Variants in ECE2 observed in about 807,000 individuals in gnomAD.
ECE2 encodes the protein endothelin converting enzyme 2.
A neutral mutation model predicts 100.6 loss-of-function variants in ECE2; 81 were observed. The ratio of observed to expected loss-of-function variants is 0.81; its 90% CI spans 0.67 to 0.97. The LOEUF is 0.97. Among genes scored for constraint, ECE2 ranks in the 50% least tolerant of loss-of-function variants. ECE2 has a pLI of 0.00. For missense variants in ECE2, 911 were observed against 988.1 expected (o/e 0.92, Z 1.05); for synonymous variants, 391 against 391.5 (o/e 1.00, Z 0.02).
rs1560184174 is a variant in ECE2, at chr3:184,283,589, AAAG to A, written c.817-183_817-181del. 1.5e-3 allele frequency among the ~76,000 whole-genome samples: 209 copies of A among 143,290 alleles called. 1 individual carries two copies. The highest frequency in any genetic ancestry group is 8.0e-3 in the South Asian group (35 of 4,388). 94.0% of individuals were successfully genotyped at this position (143,290 alleles called of 152,430 possible). ...AAAAAAAAAAAAAAAAAAAAAAAAAAAAGAAGAAGAAGAAGTAAGTAAACAATA... is the reference window on the plus strand; with the variant it reads ...AAAAAAAAAAAAAAAAAAAAAAAAAAAAGAAGAAGAAGTAAGTAAACAATA... On this transcript the variant is annotated intron_variant, in intron 7 of 18. Coordinates refer to ENST00000404464, the MANE Select transcript of ECE2 (RefSeq NM_001100121.2).
Position 184,285,074 on chromosome 3 carries a change from G to A in ECE2, c.1117G>A (p.Val373Met), listed in dbSNP as rs145212383. Residue 373 changes from valine (V) to methionine (M), a missense_variant, in exon 9 of 19, where the codon GTG becomes ATG. Coordinates refer to ENST00000404464, the MANE Select transcript of ECE2 (RefSeq NM_001100121.2). ...GTATGGGATGGATTATTTGCAGCAG[G>A]TGTCAGAGCTCATCAACCGCACGGA... Reference protein sequence around the residue: ...VVYGMDYLQQVSELINRTEPS... With the variant: ...VVYGMDYLQQMSELINRTEPS... 7 of 1,614,054 alleles carry A rather than the reference G, an allele frequency of 4.3e-6. No homozygotes were observed. The highest frequency in any genetic ancestry group is 2.2e-5 in the East Asian group (1 of 44,892).
rs750262897 is a variant in ECE2, at chr3:184,291,464, G to T, written c.2121+25G>T. 11 of 1,547,538 alleles carry T rather than the reference G, an allele frequency of 7.1e-6. No individual in the cohort carries two copies. The highest frequency in any genetic ancestry group is 1.4e-5 in the African/African-American group (1 of 72,938). On this transcript the variant is annotated intron_variant, in intron 18 of 18. Coordinates refer to ENST00000404464, the MANE Select transcript of ECE2 (RefSeq NM_001100121.2). This position sits in a 1 kb window ranked among gnomAD's most constrained non-coding sequence, Gnocchi z 4.1. ...GGTATCACCCTCTCGGAAGGCCTGG[G>T]GTCTGCCCCTTTGTCCTGCTCCCTC...
intron 10 of ECE2, among the ~76,000 whole-genome samples, chr3:184,286,476 G>A (rs990767157): frequency 2.0e-5 from 3 of 152,072 alleles, no homozygotes; most frequent in Non-Finnish European, 4.4e-5. Context: ...GCAGGGAAGC[G>A]GGGATGAGAA....
At chr3:184,284,870 A>G in intron 8 of ECE2, 93 bp from the exon 9 acceptor site, 1 of 1,502,366 alleles carries the variant, frequency 6.7e-7, no homozygotes. Context: ...TTGCTATGGC[A>G]ATGGGAAGGG....
At chr3:184,285,456 T>C in intron 9 of ECE2, 22 bp from the exon 10 acceptor site, 1 of 1,590,268 alleles carries the variant, frequency 6.3e-7, no homozygotes, top group East Asian at 2.2e-5. Flanking sequence ...GCCCTTTTCT[T>C]ATTTTCTGGT....
chr3:184,289,078 T>G lies in ECE2; in HGVS notation c.1375-359T>G, dbSNP rs917024960. On this transcript the variant is annotated intron_variant, in intron 11 of 18. Transcript: ENST00000404464. The surrounding 1 kb of genome is among the most constrained non-coding windows in gnomAD (Gnocchi z 4.1). ...GCTGAGGCAGGAGAATCGCTTGAAC[T>G]CGGGAGGCGGAGGTTGCAGTGAGCC... 6.6e-6 allele frequency among the ~76,000 whole-genome samples: 1 copy of G among 151,036 alleles called. No individual in the cohort carries two copies. Among genetic ancestry groups the G allele is most frequent in the African/African-American group, 2.4e-5 (1 of 40,992 alleles).
intron 13 of ECE2, 53 bp from the exon 14 acceptor site, chr3:184,290,202 A>C (rs1354268163): frequency 1.4e-6 from 2 of 1,465,868 alleles, no homozygotes; most frequent in East Asian, 4.7e-5. Context: ...TGGCGCTATT[A>C]TCTTCTCCAA....
At position 184,291,785 on chromosome 3, in the gene ECE2, G is replaced by A; in HGVS notation, c.2122-277G>A. On this transcript the variant is annotated intron_variant, in intron 18 of 18. Transcript: ENST00000404464. This position sits in a 1 kb window ranked among gnomAD's most constrained non-coding sequence, Gnocchi z 4.1. ...GCAGGAAACGAAAGCTCGGGACGCA[G>A]AGTGGCCTGTCCAGGGCTGCCCAGG... The A allele has an allele frequency of 1.9e-6, 1 of 525,946 alleles. No homozygotes were observed. Among genetic ancestry groups the A allele is most frequent in the Non-Finnish European group, 3.4e-6 (1 of 296,934 alleles). The allele number at this position is 525,946 out of a possible 1,614,324, so 32.6% of individuals were successfully genotyped here. A position where few individuals can be genotyped will look rare whatever the true frequency, so the allele number is the denominator to read the frequency against.
chr3:184,290,688 G>A (rs946114262), intron 15 of ECE2, 21 bp downstream of exon 15: 2 of 1,613,638 alleles, frequency 1.2e-6, no homozygotes, highest in African/African-American at 2.7e-5. Flanking sequence ...AGCAGGAGGG[G>A]CTGGGTGCTG....
intron 9 of ECE2, 133 bp downstream of exon 9, chr3:184,285,238 C>A (rs1630869): frequency 7.6e-7 from 1 of 1,308,646 alleles, no homozygotes; most frequent in Non-Finnish European, 1.1e-6. Flanking sequence ...ATCAGAATGT[C>A]TATGGGCTTT....
In ECE2 at chr3:184,291,141, CAAT is replaced by C; in HGVS notation, c.1938_1940del (p.Gln646_Tyr647delinsHis). On this transcript the variant is annotated inframe_deletion, in exon 17 of 19. Coordinates refer to ENST00000404464, the MANE Select transcript of ECE2 (RefSeq NM_001100121.2). The surrounding 1 kb of genome is among the most constrained non-coding windows in gnomAD (Gnocchi z 4.1). ...GGCCTGCATGGAGGAACAGTACAATCAATACCAGGTCAATGGGGAGAGGCTCAA... is the reference window on the plus strand; with the variant it reads ...GGCCTGCATGGAGGAACAGTACAATCACCAGGTCAATGGGGAGAGGCTCAA... 6.2e-7 allele frequency: 1 copy of C among 1,613,764 alleles called. No homozygotes were observed.
chr3:184,277,568 G>A lies in ECE2; in HGVS notation c.478+102G>A, dbSNP rs2108417341. On this transcript the variant is annotated intron_variant, in intron 4 of 18. Coordinates refer to ENST00000404464, the MANE Select transcript of ECE2 (RefSeq NM_001100121.2). ...AGGCAGTGTCCATGAATGAGGAAGT[G>A]GATGGTTCTGTGAACACTCCAGAGG... The A allele has an allele frequency of 4.6e-6, 6 of 1,296,592 alleles. No individual in the cohort carries two copies. The East Asian group carries it at 1.5e-4, about 32-fold the overall frequency. 80.3% of individuals were successfully genotyped at this position (1,296,592 alleles called of 1,614,324 possible).
chr3:184,278,445 C>T (rs1259763064), intron 6 of ECE2, 47 bp from the exon 7 acceptor site: 5 of 1,605,544 alleles, frequency 3.1e-6, no homozygotes, highest in Non-Finnish European at 2.6e-6. Flanking sequence ...TTCAGGTTCC[C>T]ATGGTGGGGA....
intron 7 of ECE2, 22 bp from the exon 8 acceptor site, chr3:184,283,763 A>C (rs1365829321): frequency 6.2e-7 from 1 of 1,610,556 alleles, no homozygotes; most frequent in East Asian, 2.2e-5. Flanking sequence ...CTGGGCTCTG[A>C]GGATCACCCG....
rs375893153 is a variant in ECE2 at position 184,291,424 on chromosome 3, C to T, written c.2106C>T (p.Phe702=). Residue 702 remains phenylalanine, a synonymous_variant, in exon 18 of 19, where the codon TTC becomes TTT. Coordinates refer to ENST00000404464, the MANE Select transcript of ECE2 (RefSeq NM_001100121.2). This position sits in a 1 kb window ranked among gnomAD's most constrained non-coding sequence, Gnocchi z 4.1. ...AVGLTNHQLF[F]VGFAQVWCSV... ...GGCTCACCAACCACCAGCTCTTCTT[C>T]GTGGGATTTGCCCAGGTATCACCCT... 17 of 1,594,952 alleles carry T rather than the reference C, an allele frequency of 1.1e-5. No individual in the cohort carries two copies. The highest frequency in any genetic ancestry group is 1.7e-5 in the Admixed American group (1 of 57,936).
Position 184,292,776 on chromosome 3 carries a change from C to G in ECE2, c.*538C>G, listed in dbSNP as rs563046825. On this transcript the variant is annotated 3_prime_UTR_variant, in exon 19 of 19. Coordinates refer to ENST00000404464, the MANE Select transcript of ECE2 (RefSeq NM_001100121.2). ...TCACTGACAGCTCCTAGTGGAAGCC[C>G]AAGGGCCTCTGAAAGCCTCCTGCTG... The G allele has an allele frequency of 1.3e-5, 2 of 157,092 alleles. No individual in the cohort carries two copies. The highest frequency in any genetic ancestry group is 3.7e-4 in the East Asian group (2 of 5,342). 9.7% of individuals were successfully genotyped at this position (157,092 alleles called of 1,614,324 possible).
At chr3:184,281,725 C>T (rs1314278437) in intron 7 of ECE2, among the ~76,000 whole-genome samples, 8 of 152,222 alleles carry the variant, frequency 5.3e-5, no homozygotes, top group African/African-American at 1.9e-4. Context: ...TGGCTGTCAG[C>T]ATGTCACTGG....
At chr3:184,287,424 G>C (rs567441595) in intron 10 of ECE2, among the ~76,000 whole-genome samples, 111 of 152,250 alleles carry the variant, frequency 7.3e-4, no homozygotes, top group African/African-American at 2.6e-3. Flanking sequence ...GGGCACGGTG[G>C]CTCATGCCTT....
At chr3:184,277,133 GC>G (rs1720590729) in intron 3 of ECE2, 106 bp downstream of exon 3, 2 of 1,599,254 alleles carry the variant, frequency 1.3e-6, no homozygotes, top group Non-Finnish European at 1.7e-6. Flanking sequence ...CTGCAGAAAA[GC>G]CCCCGGCTTT....
Sources: gnomAD v4.1 joint callset for allele counts (sites outside exome capture counted in the v4.1 genomes callset) on GRCh38, gnomAD v4.1.1 for gene constraint, Gnocchi (gnomAD v3.1) non-coding constraint, MANE v1.5 for transcripts, NCBI Gene and HGNC (gene_info 2026-07-23, HGNC 2026-07-21) for gene names.